Variants in SMARCD1 observed in about 807,000 individuals in gnomAD.
The protein encoded by SMARCD1 is SWI/SNF related BAF chromatin remodeling complex subunit D1.
SMARCD1 carries 16 observed loss-of-function variants against 70.8 expected under a neutral mutation model. The observed-to-expected ratio is 0.23, with a 90% confidence interval of 0.15 to 0.34. The LOEUF is 0.34. SMARCD1 is among the 10% of genes least tolerant of loss of function. The pLI, the probability that SMARCD1 is intolerant of heterozygous loss-of-function variation, is 1.00. For missense variants in SMARCD1, 409 were observed against 655.5 expected (o/e 0.62, Z 4.11); for synonymous variants, 249 against 246.0 (o/e 1.01, Z -0.11).
At chr12:50,093,672 A>G (rs1224399771) in intron 9 of SMARCD1, among the ~76,000 whole-genome samples, 2 of 151,820 alleles carry the variant, frequency 1.3e-5, no homozygotes, top group Non-Finnish European at 2.9e-5. Context: ...TTTTGTAGAA[A>G]CTGGGGTCTG....
intron 9 of SMARCD1, among the ~76,000 whole-genome samples, chr12:50,093,174 TAA>T (rs571325943): frequency 7.0e-6 from 1 of 143,084 alleles, no homozygotes. Context: ...AGACTCCATC[TAA>T]AAAAAAAAAG....
intron 11 of SMARCD1, chr12:50,098,469 T>C: frequency 1.9e-6 from 1 of 528,252 alleles, no homozygotes; most frequent in Non-Finnish European, 3.4e-6. Flanking sequence ...TGTCTCCATG[T>C]CTAAATTTCC....
chr12:50,092,559 A>G (rs1050822736), intron 9 of SMARCD1, among the ~76,000 whole-genome samples: 1 of 149,932 alleles, frequency 6.7e-6, no homozygotes, highest in Admixed American at 6.6e-5. Context: ...CTGAACCTAC[A>G]AGATGACAGA....
chr12:50,098,388 C>T, intron 11 of SMARCD1: 1 of 333,596 alleles, frequency 3.0e-6, no homozygotes, highest in South Asian at 3.2e-5. Context: ...GCTTCTGGTA[C>T]CTCAGGCATT....
At position 50,099,795 on chromosome 12, in the gene SMARCD1, A is replaced by C. The variant is rs1159825723; in HGVS notation, c.*795A>C. On this transcript the variant is annotated 3_prime_UTR_variant, in exon 13 of 13. Coordinates refer to ENST00000394963, the MANE Select transcript of SMARCD1 (RefSeq NM_003076.5). ...TCTCATCTGGGGAACTGTCATTGCCAGCAGAGGCTGTTCCTTCCTGCTGTT... is the reference window on the plus strand; with the variant it reads ...TCTCATCTGGGGAACTGTCATTGCCCGCAGAGGCTGTTCCTTCCTGCTGTT... 1 of 154,500 alleles carries C rather than the reference A, an allele frequency of 6.5e-6. No homozygotes were observed. The highest frequency in any genetic ancestry group is 2.4e-5 in the African/African-American group (1 of 41,500). 9.6% of individuals were successfully genotyped at this position (154,500 alleles called of 1,614,324 possible). A position where few individuals can be genotyped will look rare whatever the true frequency, so the allele number is the denominator to read the frequency against.
rs1403677677 is a variant in SMARCD1 at position 50,085,397 on chromosome 12, G to C, written c.28G>C (p.Val10Leu). 7.8e-5 allele frequency: 99 copies of C among 1,261,278 alleles called. No individual in the cohort carries two copies. The highest frequency in any genetic ancestry group is 9.5e-5 in the Non-Finnish European group (96 of 1,005,520). 78.1% of individuals were successfully genotyped at this position (1,261,278 alleles called of 1,614,324 possible). Reference protein sequence around the residue: MAARAGFQSVAPSGGAGASG... With the variant: MAARAGFQSLAPSGGAGASG... ...GGCGGCCCGGGCGGGTTTCCAGTCT[G>C]TGGCTCCAAGCGGCGGCGCCGGAGC... Residue 10 changes from valine (V) to leucine (L), a missense_variant, in exon 1 of 13, where the codon GTG becomes CTG. By Grantham distance (32) the Val-to-Leu change is conservative (BLOSUM62 1). This residue lies in a region of SMARCD1 where 140 missense variants were observed against 156.9 expected (regional missense o/e 0.89). Transcript: ENST00000394963.
intron 1 of SMARCD1, 75 bp from the exon 2 acceptor site, chr12:50,086,086 C>T: frequency 8.8e-6 from 10 of 1,142,842 alleles, no homozygotes; most frequent in South Asian, 6.7e-5. Context: ...AGATCTCAGG[C>T]GTTCCCTGCT....
At chr12:50,095,619 G>T (rs961657517) in intron 10 of SMARCD1, among the ~76,000 whole-genome samples, 41 of 152,192 alleles carry the variant, frequency 2.7e-4, no homozygotes, top group African/African-American at 4.8e-5. Flanking sequence ...GAGCCACCGC[G>T]CCCGGCCCCA....
At chr12:50,090,064 T>G in intron 7 of SMARCD1, 79 bp downstream of exon 7, 1 of 1,376,136 alleles carries the variant, frequency 7.3e-7, no homozygotes, top group Non-Finnish European at 1.0e-6. Flanking sequence ...AGTTTATGTC[T>G]AGTTGTGAAT....
intron 4 of SMARCD1, 35 bp from the exon 5 acceptor site, chr12:50,087,328 A>G (rs757995436): frequency 3.7e-6 from 6 of 1,608,884 alleles, no homozygotes; most frequent in South Asian, 1.1e-5. Context: ...AGACCACTGA[A>G]GCCCCACGAT....
intron 12 of SMARCD1, 64 bp from the exon 13 acceptor site, chr12:50,098,883 G>C (rs1235871657): frequency 6.3e-7 from 1 of 1,598,918 alleles, no homozygotes; most frequent in Non-Finnish European, 8.6e-7. Context: ...ATGGGGGTCA[G>C]TGGTGTTAGA....
chr12:50,092,058 C>T (rs962828143), intron 9 of SMARCD1, among the ~76,000 whole-genome samples: 9 of 152,130 alleles, frequency 5.9e-5, no homozygotes, highest in African/African-American at 2.2e-4. Flanking sequence ...AATTCCATTA[C>T]CTCTGTTCAC....
At chr12:50,095,522 T>G (rs1412575653) in intron 10 of SMARCD1, among the ~76,000 whole-genome samples, 2 of 152,108 alleles carry the variant, frequency 1.3e-5, no homozygotes, top group Non-Finnish European at 2.9e-5. Context: ...AGACGGAGTT[T>G]CACCATATTG....
intron 5 of SMARCD1, 130 bp from the exon 6 acceptor site, chr12:50,088,391 C>T (rs1592287849): frequency 5.7e-6 from 4 of 704,150 alleles, no homozygotes; most frequent in East Asian, 5.0e-5. Context: ...GCCTATCTCT[C>T]TTAAGAGATA....
At chr12:50,095,578 C>T (rs1008760873) in intron 10 of SMARCD1, among the ~76,000 whole-genome samples, 15 of 152,262 alleles carry the variant, frequency 9.9e-5, no homozygotes, top group African/African-American at 2.6e-4. Flanking sequence ...CCACCCGCTT[C>T]GGCCTCCCAA....
intron 11 of SMARCD1, among the ~76,000 whole-genome samples, chr12:50,097,667 A>AG (rs1353788014): frequency 6.6e-6 from 1 of 150,856 alleles, no homozygotes; most frequent in Admixed American, 6.6e-5. Context: ...TGAGGAGGGC[A>AG]GATCACCTGA....
In SMARCD1 at chr12:50,096,879, G is replaced by T; in HGVS notation, c.1299G>T (p.Gln433His). Residue 433 changes from glutamine (Q) to histidine (H), a missense_variant, in exon 11 of 13, where the codon CAG becomes CAT. Physicochemically the swap from Gln to His is conservative, Grantham distance 24. This residue lies in a region of SMARCD1 where 269 missense variants were observed against 498.6 expected (regional missense o/e 0.54). Transcript: ENST00000394963. ...ATGAGACAATAGAAACCATCAACCA[G>T]CTGAAGACTCAGCGGGAGTTCATGC... ...KIHETIETIN[Q>H]LKTQREFMLS... The T allele has an allele frequency of 6.2e-7, 1 of 1,613,600 alleles. No homozygotes were observed.
chr12:50,096,765 C>G, intron 10 of SMARCD1, 85 bp from the exon 11 acceptor site: 5 of 1,307,222 alleles, frequency 3.8e-6, no homozygotes, highest in Non-Finnish European at 5.4e-6. Flanking sequence ...TTGGAAGTGG[C>G]ATGTGGAGTT....
intron 7 of SMARCD1, 56 bp downstream of exon 7, chr12:50,090,041 T>C: frequency 6.8e-7 from 1 of 1,465,578 alleles, no homozygotes; most frequent in Admixed American, 1.7e-5. Flanking sequence ...CCGTCAGCAG[T>C]CTCACTTTAA....
Sources: gnomAD v4.1 joint callset for allele counts (sites outside exome capture counted in the v4.1 genomes callset) on GRCh38, gnomAD v4.1.1 for gene constraint, gnomAD v4.1.1 regional missense constraint, MANE v1.5 for transcripts, NCBI Gene and HGNC (gene_info 2026-07-23, HGNC 2026-07-21) for gene names.